NPAS3: variants seen among roughly 807,000 people sequenced by gnomAD.
The protein encoded by NPAS3 is neuronal PAS domain-containing protein 3.
Under a neutral mutation model 73.1 loss-of-function variants are expected in NPAS3, and 14 were observed. The observed-to-expected ratio is 0.19, with a 90% confidence interval of 0.13 to 0.30. The LOEUF (loss-of-function observed/expected upper bound fraction) is 0.30, where lower values mean the gene tolerates loss of function less well. Ranked by LOEUF, NPAS3 falls within the 10% of genes least tolerant of loss-of-function variation. The pLI is 1.00. For synonymous variants in NPAS3, 620 were observed against 541.5 expected (o/e 1.14, Z -2.01); for missense variants, 1,096 against 1,250.0 (o/e 0.88, Z 1.86).
At chr14:33,173,791 G>A (rs554674056) in intron 2 of NPAS3, among the ~76,000 whole-genome samples, 7 of 152,250 alleles carry the variant, frequency 4.6e-5, no homozygotes, top group African/African-American at 1.4e-4. Context: ...AAAAACTGTA[G>A]CAGCAATATC....
intron 6 of NPAS3, among the ~76,000 whole-genome samples, chr14:33,710,518 G>T (rs1021695077): frequency 6.6e-6 from 1 of 152,142 alleles, no homozygotes; most frequent in Non-Finnish European, 1.5e-5. Context: ...AGCCGAGGCC[G>T]CATTCTTCTC....
intron 4 of NPAS3, among the ~76,000 whole-genome samples, chr14:33,544,800 A>ATATATATATATAT (rs1555409928): frequency 2.4e-5 from 2 of 84,602 alleles, no homozygotes; most frequent in African/African-American, 1.1e-4. Context: ...ATATATATAT[A>ATATATATATATAT]TATATATATA....
chr14:33,298,273 C>A (rs1004817798), intron 3 of NPAS3, among the ~76,000 whole-genome samples: 11 of 152,102 alleles, frequency 7.2e-5, no homozygotes, highest in African/African-American at 2.7e-4. Context: ...ACAGAGGGAG[C>A]CTCCATCTCA....
chr14:32,937,957 C>T (rs2035751952), upstream of NPAS3, among the ~76,000 whole-genome samples: 2 of 152,158 alleles, frequency 1.3e-5, no homozygotes, highest in Admixed American at 1.3e-4. Context: ...CACTGAGTAG[C>T]CAGCCTTTCT....
chr14:33,771,015 A>G (rs917957369), intron 7 of NPAS3, among the ~76,000 whole-genome samples: 1 of 152,256 alleles, frequency 6.6e-6, no homozygotes, highest in African/African-American at 2.4e-5. Context: ...TTGTCTTAGT[A>G]TCACAGTTGT....
At chr14:33,668,491 T>C (rs540069680) in intron 5 of NPAS3, among the ~76,000 whole-genome samples, 78 of 152,322 alleles carry the variant, frequency 5.1e-4, no homozygotes, top group African/African-American at 1.8e-3. Flanking sequence ...AGAATTATTA[T>C]GGTTTTCCTA....
intron 3 of NPAS3, among the ~76,000 whole-genome samples, chr14:33,245,413 C>G (rs1411720081): frequency 6.6e-6 from 1 of 152,112 alleles, no homozygotes; most frequent in Non-Finnish European, 1.5e-5. Context: ...GATCCAAAGC[C>G]CTTAACTTAT....
intron 2 of NPAS3, among the ~76,000 whole-genome samples, chr14:33,085,256 AT>A (rs2041984855): frequency 6.6e-6 from 1 of 152,248 alleles, no homozygotes; most frequent in Admixed American, 6.5e-5. Flanking sequence ...GCTGTCAGTC[AT>A]TAATATTATT....
intron 2 of NPAS3, among the ~76,000 whole-genome samples, chr14:33,182,044 A>G (rs2045816823): frequency 6.6e-6 from 1 of 152,304 alleles, no homozygotes; most frequent in South Asian, 2.1e-4. Context: ...ATTTAATGAC[A>G]GGATCTTTCT....
chr14:33,726,755 G>A (rs1055463850), intron 6 of NPAS3, among the ~76,000 whole-genome samples: 2 of 152,154 alleles, frequency 1.3e-5, no homozygotes, highest in African/African-American at 4.8e-5. Context: ...GAAAAAGTGA[G>A]CTATAGTAAA....
At chr14:33,252,526 C>G (rs2048624756) in intron 3 of NPAS3, among the ~76,000 whole-genome samples, 1 of 151,828 alleles carries the variant, frequency 6.6e-6, no homozygotes, top group South Asian at 2.1e-4. Context: ...AGTGGTTATT[C>G]TTTTATTGGT....
intron 2 of NPAS3, among the ~76,000 whole-genome samples, chr14:33,111,270 G>A (rs1477446050): frequency 2.6e-5 from 4 of 152,190 alleles, no homozygotes; most frequent in Non-Finnish European, 4.4e-5. Flanking sequence ...ACAGGGAGCC[G>A]CTCACTGGGC....
chr14:33,268,735 G>GT (rs1382274780), intron 3 of NPAS3, among the ~76,000 whole-genome samples: 3 of 152,064 alleles, frequency 2.0e-5, no homozygotes, highest in Admixed American at 6.6e-5. Context: ...AGATGTTTCT[G>GT]TTTTTTCCAT....
At chr14:32,943,875 GATA>G (rs1178926279) in intron 1 of NPAS3, among the ~76,000 whole-genome samples, 1 of 151,980 alleles carries the variant, frequency 6.6e-6, no homozygotes, top group East Asian at 1.9e-4. Flanking sequence ...TTTTAGTAGA[GATA>G]GGGGTTTCAC....
chr14:33,182,526 T>C (rs1208868986), intron 2 of NPAS3, among the ~76,000 whole-genome samples: 1 of 152,204 alleles, frequency 6.6e-6, no homozygotes, highest in African/African-American at 2.4e-5. Flanking sequence ...GAAAGTATAG[T>C]TGTATTACTT....
At chr14:33,768,281 T>C (rs897302272) in intron 7 of NPAS3, among the ~76,000 whole-genome samples, 1 of 152,160 alleles carries the variant, frequency 6.6e-6, no homozygotes, top group African/African-American at 2.4e-5. Flanking sequence ...AAAGGAAACA[T>C]GAGGATCGAG....
chr14:33,277,238 A>G (rs1330021695), intron 3 of NPAS3, among the ~76,000 whole-genome samples: 1 of 152,172 alleles, frequency 6.6e-6, no homozygotes, highest in Non-Finnish European at 1.5e-5. Context: ...TCAAGTGTGG[A>G]GGCAGTGTGG....
intron 10 of NPAS3, among the ~76,000 whole-genome samples, chr14:33,796,016 A>T (rs1269749637): frequency 6.6e-6 from 1 of 152,160 alleles, no homozygotes; most frequent in Non-Finnish European, 1.5e-5. Flanking sequence ...AAGAAGACTA[A>T]GGTAGATGGG....
chr14:33,356,326 A>G (rs11156786), intron 3 of NPAS3, among the ~76,000 whole-genome samples: 14,340 of 152,282 alleles, frequency 0.094, 822 homozygotes, highest in East Asian at 0.16. Flanking sequence ...ATTCTTTTTC[A>G]GAAAATGTTG....
Sources: allele counts gnomAD v4.1 joint callset (sites outside exome capture counted in the v4.1 genomes callset), GRCh38; gene constraint gnomAD v4.1.1; transcripts MANE v1.5; gene names NCBI Gene and HGNC (gene_info 2026-07-23, HGNC 2026-07-21).